IFI6: variants seen among roughly 807,000 people sequenced by gnomAD.
IFI6 encodes interferon alpha inducible protein 6.
Under a neutral mutation model 12.7 loss-of-function variants are expected in IFI6, and 10 were observed. The ratio of observed to expected loss-of-function variants is 0.79; its 90% CI spans 0.49 to 1.33. IFI6 has a LOEUF of 1.33. IFI6 is among the 40% of genes most tolerant of loss of function. The pLI, the probability that IFI6 is intolerant of heterozygous loss-of-function variation, is 0.00. For missense variants in IFI6, 154 were observed against 180.4 expected (o/e 0.85, Z 0.84); for synonymous variants, 89 against 86.2 (o/e 1.03, Z -0.18).
At chr1:27,668,707 A>T (rs1336962897) in intron 2 of IFI6, among the ~76,000 whole-genome samples, 172 bp from the exon 3 acceptor site, 1 of 152,118 alleles carries the variant, frequency 6.6e-6, no homozygotes, top group Non-Finnish European at 1.5e-5. Flanking sequence ...CTGGCACAGA[A>T]CTAGCATCGA....
intron 1 of IFI6, chr1:27,669,959 A>G (rs1349195032): frequency 6.5e-6 from 1 of 152,798 alleles, no homozygotes; most frequent in East Asian, 1.9e-4. Context: ...CCCTCACCGT[A>G]CGAGAGGCTT....
intron 1 of IFI6, chr1:27,670,176 G>C (rs1403703653): frequency 6.6e-6 from 1 of 152,068 alleles, no homozygotes; most frequent in African/African-American, 2.4e-5. Context: ...CTATAAACTG[G>C]GGTTCCCACA....
chr1:27,666,533 A>C, intron 4 of IFI6, 58 bp from the exon 5 acceptor site: 3 of 1,258,052 alleles, frequency 2.4e-6, no homozygotes, highest in Non-Finnish European at 3.5e-6. Context: ...GGGAATCCAA[A>C]TGTCTGGAAA....
chr1:27,668,186 G>T (rs1019632609), intron 4 of IFI6, 40 bp downstream of exon 4: 3 of 1,437,816 alleles, frequency 2.1e-6, no homozygotes, highest in Non-Finnish European at 2.7e-6. Flanking sequence ...GAAAATAATA[G>T]TAAAGAACGT....
At position 27,668,257 on chromosome 1, in the gene IFI6, G is replaced by C. The variant is rs781228867; in HGVS notation, c.267C>G (p.Ala89=). Reference sequence around the variant, plus strand: ...TCTGCAGCGTGGCCACTAGCCCCCCGGCGGGCACGCCGCCCCCATTCAGGA... The same window carrying C: ...TCTGCAGCGTGGCCACTAGCCCCCCCGCGGGCACGCCGCCCCCATTCAGGA... ...SAILNGGGVP[A]GGLVATLQSL... The change falls in exon 4 of 5, where the codon GCC becomes GCG. Residue 89 remains alanine, a synonymous_variant. Coordinates refer to ENST00000361157, the MANE Select transcript of IFI6 (RefSeq NM_002038.4). 79 of 1,575,220 alleles carry C rather than the reference G, an allele frequency of 5.0e-5. No individual in the cohort carries two copies. The highest frequency in any genetic ancestry group is 6.3e-5 in the Non-Finnish European group (74 of 1,166,134).
intron 2 of IFI6, 35 bp downstream of exon 2, chr1:27,669,210 T>C (rs1245066055): frequency 1.3e-6 from 2 of 1,549,316 alleles, no homozygotes; most frequent in African/African-American, 2.7e-5. Flanking sequence ...CACCCTTACC[T>C]GTCCCCTTAC....
chr1:27,667,939 C>T (rs915150363), intron 4 of IFI6, among the ~76,000 whole-genome samples: 5 of 152,108 alleles, frequency 3.3e-5, no homozygotes, highest in East Asian at 1.9e-4. Context: ...GGCGTGGTGG[C>T]GTGTGCCTGT....
intron 2 of IFI6, among the ~76,000 whole-genome samples, chr1:27,668,983 ACATCCTTACCTG>A (rs1294078615): frequency 2.0e-4 from 24 of 117,360 alleles, no homozygotes; most frequent in Non-Finnish European, 3.0e-4. Context: ...ATCCTTACCC[ACATCCTTACCTG>A]CATCCTTACC....
At chr1:27,669,640 C>A in intron 1 of IFI6, 1 of 365,998 alleles carries the variant, frequency 2.7e-6, no homozygotes, top group Non-Finnish European at 5.3e-6. Context: ...GCCTTGTACC[C>A]AAGTGACCTT....
intron 4 of IFI6, among the ~76,000 whole-genome samples, chr1:27,667,896 C>T (rs577855180): frequency 1.3e-5 from 2 of 152,224 alleles, no homozygotes; most frequent in Non-Finnish European, 2.9e-5. Flanking sequence ...CATGGTGAAA[C>T]CCCATCTCTA....
chr1:27,666,907 G>A (rs2090356206), intron 4 of IFI6, among the ~76,000 whole-genome samples: 1 of 152,090 alleles, frequency 6.6e-6, no homozygotes, highest in South Asian at 2.1e-4. Context: ...GGCCCCGTCT[G>A]AGCAGGGCTC....
In IFI6 at chr1:27,666,330, TA is replaced by T; in HGVS notation, c.*50del. 1 of 593,488 alleles carries T rather than the reference TA, an allele frequency of 1.7e-6. No homozygotes were observed. The highest frequency in any genetic ancestry group is 3.0e-6 in the Non-Finnish European group (1 of 335,054). The allele number at this position is 593,488 out of a possible 1,614,324, so 36.8% of individuals were successfully genotyped here. A position where few individuals can be genotyped will look rare whatever the true frequency, so the allele number is the denominator to read the frequency against. ...AAAAAAAAGGCAAAGTTCTAGATCC[TA>T]ACTGGAAGAGTTAGGCCAAGAAGGA... On this transcript the variant is annotated 3_prime_UTR_variant, in exon 5 of 5. Transcript: ENST00000361157.
chr1:27,668,956 C>T (rs552344714), intron 2 of IFI6, among the ~76,000 whole-genome samples: 8 of 151,970 alleles, frequency 5.3e-5, no homozygotes, highest in Admixed American at 3.3e-4. Flanking sequence ...TGTTCCCTTA[C>T]CTGCACCCTT....
chr1:27,668,834 G>C (rs568626455), intron 2 of IFI6, among the ~76,000 whole-genome samples: 1 of 151,992 alleles, frequency 6.6e-6, no homozygotes, highest in Non-Finnish European at 1.5e-5. Context: ...ACAGAAGCAC[G>C]CCAGACCCTC....
rs2090349931 is a variant in IFI6, at chr1:27,666,270, A to G, written c.*111T>C. 1.5e-6 allele frequency: 1 copy of G among 649,978 alleles called. No homozygotes were observed. The highest frequency in any genetic ancestry group is 2.5e-6 in the Non-Finnish European group (1 of 394,710). 40.3% of individuals were successfully genotyped at this position (649,978 alleles called of 1,614,324 possible). A position where few individuals can be genotyped will look rare whatever the true frequency, so the allele number is the denominator to read the frequency against. On this transcript the variant is annotated 3_prime_UTR_variant, in exon 5 of 5. Transcript: ENST00000361157. ...TAGCCACTGCACTCTAGCCTGGACA[A>G]TATAGTGAGAACCCATCTCAAAAAA...
At chr1:27,670,089 A>G (rs1344970848) in intron 1 of IFI6, 1 of 152,122 alleles carries the variant, frequency 6.6e-6, no homozygotes, top group Non-Finnish European at 1.5e-5. Context: ...ATAGTGGCCG[A>G]TCCCACATGT....
At chr1:27,668,116 CTTAA>C in intron 4 of IFI6, 106 bp downstream of exon 4, 1 of 1,006,572 alleles carries the variant, frequency 9.9e-7, no homozygotes, top group Non-Finnish European at 1.4e-6. Flanking sequence ...TGGTAAACTA[CTTAA>C]TTACTTGAGT....
chr1:27,668,446 C>T lies in IFI6; in HGVS notation c.148+12G>A, dbSNP rs746248777. ...GCCCCGCCTGCCCGAGATCCTCGCC[C>T]TCCAGACCCACCTCCTCCGACGGCC... On this transcript the variant is annotated intron_variant, in intron 3 of 4. Coordinates refer to ENST00000361157, the MANE Select transcript of IFI6 (RefSeq NM_002038.4). 9.9e-6 allele frequency: 16 copies of T among 1,608,364 alleles called. No homozygotes were observed. The South Asian group carries it at 1.6e-4, about 16-fold the overall frequency.
Position 27,668,149 on chromosome 1 carries a change from G to A in IFI6, c.298+77C>T, listed in dbSNP as rs139628196. On this transcript the variant is annotated intron_variant, in intron 4 of 4. Coordinates refer to ENST00000361157, the MANE Select transcript of IFI6 (RefSeq NM_002038.4). ...CTTGAGTAAATTACTTAATTCCTGA[G>A]TGCCTCAGTTTCCCCAGATGTATGA... 197 of 1,245,472 alleles carry A rather than the reference G, an allele frequency of 1.6e-4. No homozygotes were observed. In the African/African-American group the frequency reaches 2.8e-3, roughly 18 times the overall value. 77.2% of individuals were successfully genotyped at this position (1,245,472 alleles called of 1,614,324 possible).
Sources: gnomAD v4.1 joint callset for allele counts (sites outside exome capture counted in the v4.1 genomes callset) on GRCh38, gnomAD v4.1.1 for gene constraint, MANE v1.5 for transcripts, NCBI Gene and HGNC (gene_info 2026-07-23, HGNC 2026-07-21) for gene names.